GGTA1: variants seen among roughly 807,000 people sequenced by gnomAD.
The protein encoded by GGTA1 is glycoprotein alpha-galactosyltransferase 1 (inactive).
In GGTA1, 5 loss-of-function variants were observed where a neutral mutation model predicts 2.6. The observed-to-expected ratio is 1.92, with a 90% CI of 1.00 to 4.04. GGTA1 has a LOEUF of 4.04. GGTA1 is among the 30% of genes most tolerant of loss of function. GGTA1 has a pLI of 0.00. For missense variants in GGTA1, 50 were observed against 16.7 expected, an observed-to-expected ratio of 2.99 and a Z score of -3.47; for synonymous variants, 17 against 5.0, an observed-to-expected ratio of 3.38 and a Z score of -3.19.
At chr9:121,446,387 G>A (rs2064852313) in exon 8 of GGTA1, 1 of 152,276 alleles carries the variant, frequency 6.6e-6, no homozygotes, top group Non-Finnish European at 1.5e-5. Flanking sequence ...ATCCAGATGA[G>A]AAAAGGACGG....
Position 121,497,068 on chromosome 9 carries a change from C to T in GGTA1, c.-10+2582G>A, listed in dbSNP as rs186028879. On this transcript the variant is annotated intron_variant, in intron 1 of 5. Coordinates refer to ENST00000481799, the MANE Select transcript of GGTA1 (RefSeq NM_001382585.1). ...ATTAGCTGGGTATGGTGGTGCACGC[C>T]TGTAATCCTAGCTACTTGGGAGGCT... Among the ~76,000 whole-genome samples the T allele has an allele frequency of 1.7e-3, 261 of 152,124 alleles. 6 individuals carry two copies. The South Asian group carries it at 0.026, about 15-fold the overall frequency.
chr9:121,474,627 C>T (rs1277090132), intron 1 of GGTA1, among the ~76,000 whole-genome samples: 1 of 152,176 alleles, frequency 6.6e-6, no homozygotes, highest in African/African-American at 2.4e-5. Context: ...TCCACCCCAA[C>T]AGGGCGAAGT....
chr9:121,469,270 G>A (rs1828330269), intron 1 of GGTA1, among the ~76,000 whole-genome samples: 1 of 152,162 alleles, frequency 6.6e-6, no homozygotes, highest in Middle Eastern at 3.2e-3. Flanking sequence ...CCATAAGAAG[G>A]AATGAGACTA....
At chr9:121,454,385 C>T (rs1366248380), downstream of GGTA1, among the ~76,000 whole-genome samples, 2 of 152,220 alleles carry the variant, frequency 1.3e-5, no homozygotes, top group Admixed American at 1.3e-4. Flanking sequence ...AGGCCAAACA[C>T]CTGGTCACTA....
chr9:121,494,411 C>A (rs1024831229), intron 1 of GGTA1: 1 of 152,226 alleles, frequency 6.6e-6, no homozygotes, highest in African/African-American at 2.4e-5. Flanking sequence ...GTCTCCTCGC[C>A]ACATTTGGAC....
chr9:121,488,126 T>TG (rs752041189), intron 1 of GGTA1, among the ~76,000 whole-genome samples: 1 of 4,454 alleles, frequency 2.2e-4, no homozygotes, highest in African/African-American at 5.3e-4. Context: ...TGTGCGTGCA[T>TG]GTGTGTGTGT....
chr9:121,481,655 C>A (rs1240096117), intron 1 of GGTA1, among the ~76,000 whole-genome samples: 1 of 129,862 alleles, frequency 7.7e-6, no homozygotes, highest in Non-Finnish European at 1.6e-5. Context: ...GCTCTCCAGC[C>A]TGGAGATAGA....
At chr9:121,472,962 T>C (rs111327608) in intron 1 of GGTA1, among the ~76,000 whole-genome samples, 3,571 of 152,274 alleles carry the variant, frequency 0.023, 140 homozygotes, top group African/African-American at 0.082. Flanking sequence ...AGCCCACTTC[T>C]TTCTGGAGCT....
At position 121,463,281 on chromosome 9, in the gene GGTA1, C is replaced by T. The variant is rs1407447852; in HGVS notation, c.116+12G>A. 6 of 452,792 alleles carry T rather than the reference C, an allele frequency of 1.3e-5. No homozygotes were observed. Among genetic ancestry groups the T allele is most frequent in the Non-Finnish European group, 2.7e-5 (6 of 225,422 alleles). 28.0% of individuals were successfully genotyped at this position (452,792 alleles called of 1,614,324 possible). ...AAACATCCCCTAGAAATCTAGAATT[C>T]AAAGCACTTACTTTGAGTGATATAT... On this transcript the variant is annotated intron_variant, in intron 3 of 5. Transcript: ENST00000481799.
chr9:121,487,093 C>G (rs936439071), intron 1 of GGTA1, among the ~76,000 whole-genome samples: 29 of 152,276 alleles, frequency 1.9e-4, no homozygotes, highest in African/African-American at 5.3e-4. Flanking sequence ...GCTCTTGCCC[C>G]AGGTTGTCGG....
intron 1 of GGTA1, among the ~76,000 whole-genome samples, chr9:121,469,100 C>T (rs554824170): frequency 6.6e-6 from 1 of 152,274 alleles, no homozygotes; most frequent in Admixed American, 6.5e-5. Context: ...TAGATATTCC[C>T]TGATCGCTGC....
chr9:121,497,583 C>T (rs1028983816), intron 1 of GGTA1, among the ~76,000 whole-genome samples: 2 of 152,022 alleles, frequency 1.3e-5, no homozygotes, highest in African/African-American at 4.8e-5. Context: ...CCCTCAGGCT[C>T]CAGTCTTAGA....
At chr9:121,468,624 AC>A (rs975646850) in intron 1 of GGTA1, among the ~76,000 whole-genome samples, 1 of 152,214 alleles carries the variant, frequency 6.6e-6, no homozygotes, top group African/African-American at 2.4e-5. Context: ...GAACTAATTT[AC>A]ATGCCCACCT....
intron 2 of GGTA1, among the ~76,000 whole-genome samples, chr9:121,465,904 T>C (rs1459430562): frequency 6.6e-6 from 1 of 152,082 alleles, no homozygotes; most frequent in Non-Finnish European, 1.5e-5. Flanking sequence ...AGGCAGGTAC[T>C]ATTATAATCC....
intron 2 of GGTA1, among the ~76,000 whole-genome samples, chr9:121,463,788 C>T (rs538650069): frequency 6.6e-6 from 1 of 152,278 alleles, no homozygotes; most frequent in African/African-American, 2.4e-5. Context: ...ACTCAGGTGC[C>T]TGGTGATGAC....
chr9:121,446,724 T>G (rs1466546256), exon 8 of GGTA1: 1 of 152,206 alleles, frequency 6.6e-6, no homozygotes, highest in African/African-American at 2.4e-5. Flanking sequence ...AATTTATATC[T>G]GATTGCCCTA....
At chr9:121,499,586 G>A (rs1298804807) in intron 1 of GGTA1, 64 bp downstream of exon 1, 1 of 152,416 alleles carries the variant, frequency 6.6e-6, no homozygotes, top group Non-Finnish European at 1.5e-5. Flanking sequence ...CCCAAGCGCG[G>A]AGCCCCCCGT....
In GGTA1 at chr9:121,476,019, C is replaced by T. The variant is rs1201525911; in HGVS notation, c.-9-8088G>A. 6.6e-6 allele frequency among the ~76,000 whole-genome samples: 1 copy of T among 152,156 alleles called. No homozygotes were observed. Among genetic ancestry groups the T allele is most frequent in the South Asian group, 2.1e-4 (1 of 4,832 alleles). ...ATTCTAACACCCTCCTCAAAGGGTT[C>T]TTGAAAGCATACTGTGCCCATGGTC... On this transcript the variant is annotated intron_variant, in intron 1 of 5. Transcript: ENST00000481799. The surrounding 1 kb of genome is among the most constrained non-coding windows in gnomAD (Gnocchi z 4.6).
chr9:121,475,872 C>T (rs924106734), intron 1 of GGTA1, among the ~76,000 whole-genome samples: 2 of 152,072 alleles, frequency 1.3e-5, no homozygotes, highest in African/African-American at 4.8e-5. Context: ...GTGTTCAGCT[C>T]CAGCATTCCA....
Sources: allele counts gnomAD v4.1 joint callset (sites outside exome capture counted in the v4.1 genomes callset), GRCh38; gene constraint gnomAD v4.1.1; non-coding constraint Gnocchi (gnomAD v3.1); transcripts MANE v1.5; gene names NCBI Gene and HGNC (gene_info 2026-07-23, HGNC 2026-07-21).